THSD7B: variants seen among roughly 807,000 people sequenced by gnomAD.
THSD7B encodes the protein thrombospondin type 1 domain containing 7B.
THSD7B carries 138 observed loss-of-function variants against 213.6 expected under a neutral mutation model. That is an observed-to-expected ratio of 0.65 (90% CI 0.56 to 0.74). The LOEUF (loss-of-function observed/expected upper bound fraction) is 0.74. THSD7B is among the 30% of genes least tolerant of loss of function. THSD7B has a pLI of 0.00. For synonymous variants in THSD7B, 742 were observed against 687.0 expected, an observed-to-expected ratio of 1.08 and a Z score of -1.25; for missense variants, 1,931 against 1,991.5, an observed-to-expected ratio of 0.97 and a Z score of 0.58.
intron 2 of THSD7B, among the ~76,000 whole-genome samples, chr2:136,899,504 C>T (rs759558875): frequency 1.3e-5 from 2 of 152,176 alleles, no homozygotes; most frequent in Non-Finnish European, 2.9e-5. Flanking sequence ...CGGTTTTGTA[C>T]TTCAGTTTCC....
chr2:137,319,223 C>CTT (rs756553883), intron 12 of THSD7B, among the ~76,000 whole-genome samples: 12 of 137,970 alleles, frequency 8.7e-5, no homozygotes, highest in South Asian at 4.6e-4. Flanking sequence ...GTATATATTT[C>CTT]TTTTTTTTTT....
At chr2:137,106,844 C>T (rs574598425) in intron 4 of THSD7B, among the ~76,000 whole-genome samples, 1 of 152,274 alleles carries the variant, frequency 6.6e-6, no homozygotes, top group East Asian at 1.9e-4. Flanking sequence ...CAATGAGATA[C>T]CATCTCATAC....
At chr2:136,778,367 C>T (rs1344477787) in intron 1 of THSD7B, among the ~76,000 whole-genome samples, 7 of 152,164 alleles carry the variant, frequency 4.6e-5, no homozygotes, top group Admixed American at 4.6e-4. Flanking sequence ...TACACGTCTC[C>T]CTCCCGTGAC....
At chr2:137,665,153 A>G (rs542191240) in intron 26 of THSD7B, among the ~76,000 whole-genome samples, 1 of 152,336 alleles carries the variant, frequency 6.6e-6, no homozygotes, top group East Asian at 1.9e-4. Context: ...CTTTAATGCT[A>G]AATTAGAAGT....
chr2:137,004,312 C>T (rs866675947), intron 2 of THSD7B, among the ~76,000 whole-genome samples: 3 of 120,472 alleles, frequency 2.5e-5, no homozygotes, highest in Non-Finnish European at 4.0e-5. Flanking sequence ...CACACACACA[C>T]ACACACACAC....
chr2:137,334,877 A>G (rs1360480891), intron 12 of THSD7B, among the ~76,000 whole-genome samples: 1 of 152,128 alleles, frequency 6.6e-6, no homozygotes, highest in African/African-American at 2.4e-5. Flanking sequence ...CAGTTCCCCC[A>G]TGCTGTTCTC....
chr2:137,401,413 C>CA (rs1243555072), intron 12 of THSD7B, among the ~76,000 whole-genome samples: 1 of 152,152 alleles, frequency 6.6e-6, no homozygotes, highest in Non-Finnish European at 1.5e-5. Context: ...TAATTCAATA[C>CA]ACAGTAATTA....
intron 12 of THSD7B, among the ~76,000 whole-genome samples, chr2:137,326,221 TA>T (rs982578534): frequency 6.6e-6 from 1 of 152,208 alleles, no homozygotes; most frequent in Non-Finnish European, 1.5e-5. Context: ...GAGGGGTAGA[TA>T]CCCAAAGGAA....
intron 12 of THSD7B, among the ~76,000 whole-genome samples, chr2:137,328,703 A>C (rs1422480937): frequency 2.0e-5 from 3 of 152,098 alleles, no homozygotes; most frequent in Non-Finnish European, 2.9e-5. Context: ...CATAATCCCC[A>C]CATGTGGTGA....
At chr2:137,143,690 G>A (rs955274533) in intron 5 of THSD7B, among the ~76,000 whole-genome samples, 21 of 152,058 alleles carry the variant, frequency 1.4e-4, no homozygotes, top group African/African-American at 3.9e-4. Context: ...AATTGAACAC[G>A]CTGACCTTTC....
chr2:137,173,089 G>A (rs1207214245), intron 7 of THSD7B, among the ~76,000 whole-genome samples: 3 of 152,128 alleles, frequency 2.0e-5, no homozygotes, highest in East Asian at 3.9e-4. Flanking sequence ...TCTTAAGACT[G>A]TGAGAGTTAA....
rs759314358 is a variant in THSD7B at position 137,618,398 on chromosome 2, G to A, written c.3572G>A (p.Ser1191Asn). 3 of 1,613,720 alleles carry A rather than the reference G, an allele frequency of 1.9e-6. No homozygotes were observed. The highest frequency in any genetic ancestry group is 1.1e-5 in the South Asian group (1 of 91,044). ...GGTGATCCTATGCCTGTAGAGTGGA[G>A]CACATGCCAGCTGAGTGAAAACGCA... ...FQFQYNLTEW[S>N]TCQLSENAPC... Residue 1191 changes from serine to asparagine, a missense_variant, in exon 19 of 28, where the codon AGC becomes AAC. Transcript: ENST00000409968.
At chr2:137,321,541 G>T (rs1335903970) in intron 12 of THSD7B, among the ~76,000 whole-genome samples, 1 of 152,102 alleles carries the variant, frequency 6.6e-6, no homozygotes, top group Non-Finnish European at 1.5e-5. Flanking sequence ...TCCCCAGATG[G>T]GGAAGGTACA....
chr2:137,183,251 C>A (rs1166200961), intron 7 of THSD7B, among the ~76,000 whole-genome samples: 1 of 152,056 alleles, frequency 6.6e-6, no homozygotes, highest in Non-Finnish European at 1.5e-5. Flanking sequence ...CCTTTGTATT[C>A]CCTGTGCACT....
In THSD7B at chr2:136,820,125, A is replaced by G. The variant is rs563383631; in HGVS notation, c.-36+54438A>G. Among the ~76,000 whole-genome samples the G allele has an allele frequency of 2.6e-5, 4 of 152,202 alleles. No homozygotes were observed. The East Asian group carries it at 5.8e-4, about 22-fold the overall frequency. On this transcript the variant is annotated intron_variant, in intron 1 of 27. Transcript: ENST00000409968. ...ACCTTATTATTTGTTTACGGCCAGT[A>G]TTTCTCCACCTTTTCTGGATCCTAG... is the stretch of plus-strand genomic sequence containing the variant.
chr2:136,878,694 C>G (rs1001844248), intron 1 of THSD7B, among the ~76,000 whole-genome samples: 5 of 151,904 alleles, frequency 3.3e-5, no homozygotes, highest in African/African-American at 9.7e-5. Context: ...TTTCATGTCT[C>G]TTGGCTGCAT....
intron 4 of THSD7B, among the ~76,000 whole-genome samples, chr2:137,112,795 T>TGTGTGTG (rs1558925257): frequency 3.0e-5 from 3 of 101,674 alleles, no homozygotes; most frequent in African/African-American, 8.8e-5. Flanking sequence ...GTGTGTGTGT[T>TGTGTGTG]TTCCACATCA....
intron 15 of THSD7B, among the ~76,000 whole-genome samples, chr2:137,510,512 ATG>A (rs1398184622): frequency 6.6e-6 from 1 of 151,900 alleles, no homozygotes; most frequent in Non-Finnish European, 1.5e-5. Flanking sequence ...GGAAATACAT[ATG>A]TGTGTGTATT....
At chr2:137,138,065 T>C (rs1205342599) in intron 5 of THSD7B, among the ~76,000 whole-genome samples, 1 of 152,012 alleles carries the variant, frequency 6.6e-6, no homozygotes, top group African/African-American at 2.4e-5. Context: ...TTTTTTAAAA[T>C]AGTTCTTTTG....
Sources: allele counts gnomAD v4.1 joint callset (sites outside exome capture counted in the v4.1 genomes callset), GRCh38; gene constraint gnomAD v4.1.1; transcripts MANE v1.5; gene names NCBI Gene and HGNC (gene_info 2026-07-23, HGNC 2026-07-21).